Variants in MORN1 observed in about 807,000 individuals in gnomAD.
The protein encoded by MORN1 is MORN repeat-containing protein 1.
A neutral mutation model predicts 61.9 loss-of-function variants in MORN1; 67 were observed. The observed-to-expected ratio is 1.08, with a 90% CI of 0.89 to 1.33. The LOEUF is 1.33. MORN1 is among the 40% of genes most tolerant of loss of function. The pLI is 0.00. For synonymous variants in MORN1, 301 were observed against 292.0 expected (o/e 1.03, Z -0.31); for missense variants, 752 against 691.2 (o/e 1.09, Z -0.99).
At chr1:2,336,043 C>G (rs1403163117) in intron 12 of MORN1, among the ~76,000 whole-genome samples, 2 of 152,200 alleles carry the variant, frequency 1.3e-5, no homozygotes, top group African/African-American at 2.4e-5. Flanking sequence ...CCCGCCTGCA[C>G]GTGCCGCGGT....
At chr1:2,376,335 G>A (rs1333071456) in intron 6 of MORN1, 2 of 152,334 alleles carry the variant, frequency 1.3e-5, no homozygotes, top group African/African-American at 4.8e-5. Context: ...TCAGCGCACA[G>A]CTGAGGGCTC....
At chr1:2,362,163 T>G (rs1641902757) in intron 8 of MORN1, among the ~76,000 whole-genome samples, 1 of 151,832 alleles carries the variant, frequency 6.6e-6, no homozygotes, top group East Asian at 1.9e-4. Flanking sequence ...ACCCGGGAGG[T>G]GGAGGTTGCA....
rs571717726 is a variant in MORN1, at chr1:2,359,135, C to T, written c.746-420G>A. 3.2e-4 allele frequency among the ~76,000 whole-genome samples: 49 copies of T among 152,280 alleles called. No homozygotes were observed. The South Asian group carries it at 9.3e-3, about 29-fold the overall frequency. ...AGGCACACCCAGGCCTTGGGCTGGT[C>T]AGGGGCGTGGGGTGGCACTGGCACT... On this transcript the variant is annotated intron_variant, in intron 8 of 13. Coordinates refer to ENST00000378531, the MANE Select transcript of MORN1 (RefSeq NM_024848.3).
At chr1:2,369,501 A>C (rs2100331406) in intron 8 of MORN1, among the ~76,000 whole-genome samples, 1 of 152,250 alleles carries the variant, frequency 6.6e-6, no homozygotes, top group South Asian at 2.1e-4. Flanking sequence ...GTAAAACTGT[A>C]TTTATTTATA....
chr1:2,384,763 C>A (rs1225813223), intron 6 of MORN1, among the ~76,000 whole-genome samples: 2 of 152,228 alleles, frequency 1.3e-5, no homozygotes, highest in Non-Finnish European at 2.9e-5. Flanking sequence ...TGAGTATACA[C>A]AAGGCACACA....
In MORN1 at chr1:2,355,440, G is replaced by A. The variant is rs551324281; in HGVS notation, c.1036+1992C>T. ...ACAGCTGTTGTCTGGAAGGAGACTC[G>A]TCTGATCCTAGAAGAGTGAGCTCCC... On this transcript the variant is annotated intron_variant, in intron 10 of 13. Transcript: ENST00000378531. 1.5e-4 allele frequency: 233 copies of A among 1,550,362 alleles called. 2 individuals are homozygous for A. In the South Asian group the frequency reaches 2.5e-3, roughly 17 times the overall value.
intron 2 of MORN1, 44 bp downstream of exon 2, chr1:2,389,881 C>T (rs756025559): frequency 6.3e-7 from 1 of 1,581,504 alleles, no homozygotes; most frequent in Admixed American, 1.7e-5. Context: ...GTTTCGTCAG[C>T]TGTGGGGCAG....
chr1:2,323,984 C>A (rs1640940586), intron 13 of MORN1, 113 bp downstream of exon 13: 3 of 1,453,652 alleles, frequency 2.1e-6, no homozygotes, highest in South Asian at 1.4e-5. Flanking sequence ...CTGCCACCTA[C>A]CTCTGGGGGC....
intron 10 of MORN1, among the ~76,000 whole-genome samples, chr1:2,346,930 G>T (rs535523535): frequency 8.5e-4 from 130 of 152,324 alleles, no homozygotes; most frequent in Non-Finnish European, 1.6e-3. Flanking sequence ...CACTAGCCCT[G>T]AAGGCCACCG....
At position 2,355,926 on chromosome 1, in the gene MORN1, C is replaced by T. The variant is rs148149242; in HGVS notation, c.1036+1506G>A. Among the ~76,000 whole-genome samples the T allele has an allele frequency of 5.7e-4, 87 of 152,306 alleles. 1 individual carries two copies. In the East Asian group the frequency reaches 0.011, roughly 20 times the overall value. On this transcript the variant is annotated intron_variant, in intron 10 of 13. Transcript: ENST00000378531. ...GAAGATGTGAGGGAGGCTTTGGGGC[C>T]TGCTAGGCTGGCTTAAGGGACAGGA...
chr1:2,323,323 G>GCA, intron 13 of MORN1: 4 of 985,434 alleles, frequency 4.1e-6, no homozygotes, highest in Non-Finnish European at 4.8e-6. Flanking sequence ...CTCCACGGTG[G>GCA]CATCCAGACC....
intron 8 of MORN1, among the ~76,000 whole-genome samples, chr1:2,370,668 TTTC>T (rs1347923675): frequency 5.5e-4 from 70 of 128,354 alleles, no homozygotes; most frequent in African/African-American, 1.6e-3. Context: ...TTCATTTTTT[TTTC>T]TTCTTTTTTT....
chr1:2,338,180 C>T (rs1402925929), intron 10 of MORN1, among the ~76,000 whole-genome samples: 1 of 152,142 alleles, frequency 6.6e-6, no homozygotes, highest in Non-Finnish European at 1.5e-5. Context: ...GCGACAGAGA[C>T]GCTAGGGAGA....
rs1642144826 is a variant in MORN1, at chr1:2,372,540, T to C, written c.686A>G (p.Gln229Arg). The C allele has an allele frequency of 6.2e-7, 1 of 1,613,810 alleles. No individual in the cohort carries two copies. Among genetic ancestry groups the C allele is most frequent in the Non-Finnish European group, 8.5e-7 (1 of 1,179,954 alleles). ...ILGPEVMEVA[Q>R]GSPFSVNVQL... Reference sequence around the variant, plus strand: ...AACGTTCACCGAGAAGGGAGACCCTTGGGCCACTTCCATCACCTCCGGACC... The same window carrying C: ...AACGTTCACCGAGAAGGGAGACCCTCGGGCCACTTCCATCACCTCCGGACC... Residue 229 changes from glutamine (Q) to arginine (R), a missense_variant, in exon 8 of 14, where the codon CAA (glutamine) becomes CGA (arginine). Gln to Arg is a conservative substitution (Grantham distance 43). Transcript: ENST00000378531. The surrounding 1 kb of genome is among the most constrained non-coding windows in gnomAD (Gnocchi z 5.4).
intron 6 of MORN1, 177 bp from the exon 7 acceptor site, chr1:2,374,734 T>A (rs1006762382): frequency 3.3e-5 from 19 of 572,886 alleles, no homozygotes; most frequent in Non-Finnish European, 5.6e-5. Context: ...AACTGTTTCA[T>A]TAGAATGCAA....
intron 6 of MORN1, chr1:2,377,997 C>T (rs1189505268): frequency 6.6e-6 from 1 of 152,328 alleles, no homozygotes; most frequent in African/African-American, 2.4e-5. Flanking sequence ...CTGCCTGGGC[C>T]CTGCGACTGC....
rs190861620 is a variant in MORN1, at chr1:2,344,867, A to G, written c.1037-8017T>C. Among the ~76,000 whole-genome samples the G allele has an allele frequency of 3.3e-3, 504 of 152,360 alleles. 6 individuals are homozygous for G. Among genetic ancestry groups the G allele is most frequent in the Non-Finnish European group, 2.1e-3 (145 of 68,018 alleles). ...AAGTCCCCGAATGCAGAATTCTGCC[A>G]GAGGGAGCATGACCGTCTCTCTGTT... On this transcript the variant is annotated intron_variant, in intron 10 of 13. Coordinates refer to ENST00000378531, the MANE Select transcript of MORN1 (RefSeq NM_024848.3).
At chr1:2,333,154 G>A (rs1406406099) in intron 12 of MORN1, among the ~76,000 whole-genome samples, 1 of 152,264 alleles carries the variant, frequency 6.6e-6, no homozygotes, top group Non-Finnish European at 1.5e-5. Flanking sequence ...CAGGCAGGAA[G>A]TGCAGTGAGC....
Position 2,357,648 on chromosome 1 carries a change from G to A in MORN1, c.870-50C>T. On this transcript the variant is annotated intron_variant, in intron 9 of 13. Transcript: ENST00000378531. The surrounding 1 kb of genome is among the most constrained non-coding windows in gnomAD (Gnocchi z 6.3). ...GCTCTACTCACCCCACACCAAACTA[G>A]GGTGCAGGCAGACAGCGTGGCCCAC... The A allele has an allele frequency of 6.5e-7, 1 of 1,532,088 alleles. No individual in the cohort carries two copies. The highest frequency in any genetic ancestry group is 8.8e-7 in the Non-Finnish European group (1 of 1,135,632). 94.9% of individuals were successfully genotyped at this position (1,532,088 alleles called of 1,614,324 possible).
Sources: allele counts gnomAD v4.1 joint callset (sites outside exome capture counted in the v4.1 genomes callset), GRCh38; gene constraint gnomAD v4.1.1; non-coding constraint Gnocchi (gnomAD v3.1); transcripts MANE v1.5; gene names NCBI Gene and HGNC (gene_info 2026-07-23, HGNC 2026-07-21).